Variants in PPL observed in about 807,000 individuals in gnomAD.
The protein encoded by PPL is 190 kDa paraneoplastic pemphigus antigen.
In PPL, 198 loss-of-function variants were observed where a neutral mutation model predicts 194.4. The ratio of observed to expected loss-of-function variants is 1.02; its 90% CI spans 0.91 to 1.15. The LOEUF (loss-of-function observed/expected upper bound fraction) is 1.15, where lower values mean the gene tolerates loss of function less well. Ranked by LOEUF, PPL falls within the 50% of genes most tolerant of loss-of-function variation. The pLI, the probability that PPL is intolerant of heterozygous loss-of-function variation, is 0.00. For synonymous variants in PPL, 1,220 were observed against 972.4 expected (o/e 1.25, Z -4.74); for missense variants, 2,885 against 2,294.8 (o/e 1.26, Z -5.25).
At chr16:4,929,963 G>A (rs1234165863) in intron 1 of PPL, among the ~76,000 whole-genome samples, 1 of 151,934 alleles carries the variant, frequency 6.6e-6, no homozygotes, top group Non-Finnish European at 1.5e-5. Context: ...GCTAGGACAA[G>A]TGCGAACCAC....
chr16:4,894,404 T>C, intron 12 of PPL, 63 bp downstream of exon 12: 1 of 1,578,050 alleles, frequency 6.3e-7, no homozygotes, highest in Non-Finnish European at 8.6e-7. Context: ...GGGCTATGAA[T>C]GGGGCCTGAG....
chr16:4,913,829 G>A (rs898651582), intron 1 of PPL, among the ~76,000 whole-genome samples: 15 of 152,224 alleles, frequency 9.9e-5, no homozygotes, highest in African/African-American at 3.6e-4. Flanking sequence ...GAGTGGCTAG[G>A]CACGCAGAAG....
chr16:4,936,937 C>T, intron 1 of PPL, 47 bp downstream of exon 1: 1 of 1,555,684 alleles, frequency 6.4e-7, no homozygotes, highest in Non-Finnish European at 8.7e-7. Flanking sequence ...CCTGTGCGCC[C>T]ACAGGGGCAA....
intron 2 of PPL, among the ~76,000 whole-genome samples, chr16:4,907,360 A>ACG (rs2088711978): frequency 6.6e-6 from 1 of 151,054 alleles, no homozygotes; most frequent in Non-Finnish European, 1.5e-5. Context: ...ACACACGGAC[A>ACG]GATACATGAT....
rs766107009 is a variant in PPL, at chr16:4,902,842, A to G, written c.318-316T>C. On this transcript the variant is annotated intron_variant, in intron 3 of 21. Coordinates refer to ENST00000345988, the MANE Select transcript of PPL (RefSeq NM_002705.5). This position sits in a 1 kb window ranked among gnomAD's most constrained non-coding sequence, Gnocchi z 4.0. ...GTAGCTGGGATTACAGGCATGTGCC[A>G]CCTCGCCTGGGTAATTTTGTATTTT... Among the ~76,000 whole-genome samples, 20 of 151,972 alleles carry G rather than the reference A, an allele frequency of 1.3e-4. No homozygotes were observed. The highest frequency in any genetic ancestry group is 2.5e-4 in the Non-Finnish European group (17 of 67,984).
intron 1 of PPL, among the ~76,000 whole-genome samples, chr16:4,914,967 A>G (rs115198819): frequency 2.3e-3 from 343 of 152,272 alleles, no homozygotes; most frequent in African/African-American, 7.8e-3. Context: ...AGCTGCACCT[A>G]GAGGCGGTGA....
In PPL at chr16:4,901,468, C is replaced by T. The variant is rs180757875; in HGVS notation, c.439-379G>A. The stretch of plus-strand genomic sequence containing the variant: ...CTTTGGGAGGCCAATGGGGTCGGAT[C>T]GCTTGAGCCCAGGAGTTTGAGACCA... On this transcript the variant is annotated intron_variant, in intron 4 of 21. Coordinates refer to ENST00000345988, the MANE Select transcript of PPL (RefSeq NM_002705.5). 7.2e-5 allele frequency among the ~76,000 whole-genome samples: 11 copies of T among 152,244 alleles called. No homozygotes were observed. In the East Asian group the frequency reaches 1.9e-3, roughly 27 times the overall value.
At chr16:4,916,355 G>A (rs2088916066) in intron 1 of PPL, among the ~76,000 whole-genome samples, 1 of 152,034 alleles carries the variant, frequency 6.6e-6, no homozygotes, top group South Asian at 2.1e-4. Flanking sequence ...AGGATTACAG[G>A]TGTGTGCCAC....
intron 1 of PPL, among the ~76,000 whole-genome samples, chr16:4,924,939 C>A (rs2089128696): frequency 6.6e-6 from 1 of 152,218 alleles, no homozygotes; most frequent in African/African-American, 2.4e-5. Context: ...CTGCTGTGTC[C>A]CCTGCTGGCT....
intron 17 of PPL, among the ~76,000 whole-genome samples, 185 bp downstream of exon 17, chr16:4,890,543 A>G (rs1020076752): frequency 1.3e-5 from 2 of 152,230 alleles, no homozygotes; most frequent in African/African-American, 4.8e-5. Flanking sequence ...AGAGATGCCC[A>G]TTGTGGATTA....
intron 8 of PPL, 22 bp downstream of exon 8, chr16:4,898,991 T>C: frequency 6.2e-7 from 1 of 1,603,552 alleles, no homozygotes; most frequent in Non-Finnish European, 8.5e-7. Context: ...GGGGGAGGTG[T>C]CTGGTCTCGG....
chr16:4,893,778 G>A, intron 12 of PPL, 140 bp from the exon 13 acceptor site: 1 of 656,906 alleles, frequency 1.5e-6, no homozygotes, highest in East Asian at 2.8e-5. Flanking sequence ...AGTGCTCACT[G>A]TGGCACTGGC....
intron 2 of PPL, among the ~76,000 whole-genome samples, chr16:4,906,147 C>G (rs140640985): frequency 6.6e-6 from 1 of 152,284 alleles, no homozygotes; most frequent in African/African-American, 2.4e-5. Flanking sequence ...CCAGGCATCC[C>G]CCAACCCTGG....
At chr16:4,927,401 T>C (rs2089173298) in intron 1 of PPL, among the ~76,000 whole-genome samples, 1 of 152,226 alleles carries the variant, frequency 6.6e-6, no homozygotes, top group Non-Finnish European at 1.5e-5. Flanking sequence ...TCCATGGAGA[T>C]TTTGACTTAA....
At position 4,884,813 on chromosome 16, in the gene PPL, T is replaced by G; in HGVS notation, c.3842A>C (p.Asp1281Ala). ...QLKKEIQALK[D>A]TKPQVQTKEV... is the part of the protein sequence containing the mutation. The stretch of plus-strand genomic sequence containing the variant: ...TTTGGTCTGGACCTGGGGTTTGGTG[T>G]CTTTCAGGGCCTGGATTTCCTTTTT... The change falls in exon 22 of 22, where the codon GAC becomes GCC. Residue 1281 changes from aspartate to alanine, a missense_variant. Asp to Ala is a moderately radical substitution (Grantham distance 126, BLOSUM62 -2). Coordinates refer to ENST00000345988, the MANE Select transcript of PPL (RefSeq NM_002705.5). This position sits in a 1 kb window ranked among gnomAD's most constrained non-coding sequence, Gnocchi z 5.7. The G allele has an allele frequency of 6.2e-7, 1 of 1,614,106 alleles. No homozygotes were observed.
intron 1 of PPL, among the ~76,000 whole-genome samples, chr16:4,935,237 G>C (rs907826841): frequency 6.6e-6 from 1 of 152,124 alleles, no homozygotes; most frequent in Non-Finnish European, 1.5e-5. Context: ...CAGCTTGTCT[G>C]GGTTCATTAG....
intron 1 of PPL, 31 bp from the exon 2 acceptor site, chr16:4,910,980 G>C (rs758258685): frequency 1.3e-6 from 2 of 1,585,824 alleles, no homozygotes; most frequent in African/African-American, 1.3e-5. Context: ...GAGATGGGCG[G>C]GGTGCCTGGT....
chr16:4,891,532 G>C lies in PPL; in HGVS notation c.1968+279C>G, dbSNP rs1138713. The C allele has an allele frequency of 9.6e-3, 3,058 of 318,160 alleles. 94 individuals carry two copies. The highest frequency in any genetic ancestry group is 0.064 in the African/African-American group (2,821 of 44,286). The allele number at this position is 318,160 out of a possible 1,614,324, so 19.7% of individuals were successfully genotyped here. A position where few individuals can be genotyped will look rare whatever the true frequency, so the allele number is the denominator to read the frequency against. ...CCAAGGCTCAAGCAATCCTGCCCCA[G>C]CCTCCTGAATGGCTGGTGTTACAGG... On this transcript the variant is annotated intron_variant, in intron 16 of 21. Transcript: ENST00000345988.
rs768890167 is a variant in PPL at position 4,884,569 on chromosome 16, T to C, written c.4086A>G (p.Pro1362=). 6.8e-6 allele frequency: 11 copies of C among 1,613,928 alleles called. No individual in the cohort carries two copies. The highest frequency in any genetic ancestry group is 8.5e-6 in the Non-Finnish European group (10 of 1,180,026). Residue 1362 remains proline, a synonymous_variant, in exon 22 of 22, where the codon CCA becomes CCG. Coordinates refer to ENST00000345988, the MANE Select transcript of PPL (RefSeq NM_002705.5). This position sits in a 1 kb window ranked among gnomAD's most constrained non-coding sequence, Gnocchi z 5.7. ...QQEVVRYEEE[P]GLRAEASAFA... ...AGGCGCTCGCCTCGGCCCGCAGGCC[T>C]GGCTCCTCCTCATACCTGACCACCT...
Sources: allele counts gnomAD v4.1 joint callset (sites outside exome capture counted in the v4.1 genomes callset), GRCh38; gene constraint gnomAD v4.1.1; non-coding constraint Gnocchi (gnomAD v3.1); transcripts MANE v1.5; gene names NCBI Gene and HGNC (gene_info 2026-07-23, HGNC 2026-07-21).